Variants in ADGRL3 observed in about 807,000 individuals in gnomAD.
ADGRL3 encodes the protein adhesion G protein-coupled receptor L3.
A neutral mutation model predicts 153.5 loss-of-function variants in ADGRL3; 62 were observed. The observed-to-expected ratio is 0.40, with a 90% CI of 0.33 to 0.50. The LOEUF (loss-of-function observed/expected upper bound fraction) is 0.50, where lower values mean the gene tolerates loss of function less well. Ranked by LOEUF, ADGRL3 falls within the 20% of genes least tolerant of loss-of-function variation. ADGRL3 has a pLI of 0.47. For missense variants in ADGRL3, 1,641 were observed against 1,859.4 expected (o/e 0.88, Z 2.16); for synonymous variants, 710 against 672.5 (o/e 1.06, Z -0.86).
chr4:61,703,146 G>A (rs1304476600), intron 6 of ADGRL3, among the ~76,000 whole-genome samples: 1 of 151,972 alleles, frequency 6.6e-6, no homozygotes, highest in Non-Finnish European at 1.5e-5. Context: ...GAATCCTTAA[G>A]TAATTTACGT....
At chr4:61,795,819 A>G (rs2097403396) in intron 8 of ADGRL3, among the ~76,000 whole-genome samples, 1 of 152,098 alleles carries the variant, frequency 6.6e-6, no homozygotes, top group Non-Finnish European at 1.5e-5. Flanking sequence ...ATCTGATCCT[A>G]CTTGCATACC....
intron 17 of ADGRL3, among the ~76,000 whole-genome samples, chr4:61,957,239 A>T (rs1479906588): frequency 1.3e-5 from 2 of 152,092 alleles, no homozygotes; most frequent in African/African-American, 4.8e-5. Context: ...TTCTCCTTGA[A>T]GACATCCTTC....
chr4:61,400,106 A>C (rs79216973), intron 2 of ADGRL3, among the ~76,000 whole-genome samples: 1,734 of 151,834 alleles, frequency 0.011, 15 homozygotes, highest in Non-Finnish European at 0.016. Context: ...GCTGATTAAG[A>C]AAAAGGAGAA....
intron 11 of ADGRL3, 104 bp downstream of exon 11, chr4:61,895,938 G>A (rs1021850368): frequency 2.2e-5 from 13 of 583,866 alleles, no homozygotes; most frequent in South Asian, 2.2e-4. Flanking sequence ...TAAAATCAAT[G>A]TAGAAAATTT....
intron 4 of ADGRL3, among the ~76,000 whole-genome samples, chr4:61,532,545 C>CGT (rs1470514639): frequency 2.8e-4 from 22 of 77,336 alleles, no homozygotes; most frequent in African/African-American, 7.6e-4. Context: ...CGCGCGCGCG[C>CGT]GCGCGCGCGC....
intron 9 of ADGRL3, among the ~76,000 whole-genome samples, chr4:61,845,198 C>A (rs577160770): frequency 1.3e-5 from 2 of 151,872 alleles, no homozygotes; most frequent in Admixed American, 1.3e-4. Context: ...TTTTGGAATG[C>A]CCCCTCACCT....
At chr4:62,043,365 G>A (rs1485674480) in intron 24 of ADGRL3, among the ~76,000 whole-genome samples, 1 of 151,962 alleles carries the variant, frequency 6.6e-6, no homozygotes, top group Non-Finnish European at 1.5e-5. Context: ...GTGAGAGACT[G>A]GCTCCCAACA....
At chr4:61,549,233 G>A (rs1340213474) in intron 4 of ADGRL3, among the ~76,000 whole-genome samples, 1 of 151,780 alleles carries the variant, frequency 6.6e-6, no homozygotes, top group Non-Finnish European at 1.5e-5. Flanking sequence ...GGAGCTTTTG[G>A]GGTTTTCTAG....
intron 23 of ADGRL3, 28 bp from the exon 24 acceptor site, chr4:62,037,703 T>A: frequency 6.2e-7 from 1 of 1,613,328 alleles, no homozygotes; most frequent in African/African-American, 1.3e-5. Context: ...AATTACTTGC[T>A]AACAGAAGTT....
chr4:61,768,215 G>C lies in ADGRL3; in HGVS notation c.1399+34661G>C, dbSNP rs184699286. ...TAAGAGTAAATTGCTGGGCAGGTCG[G>C]GGAGGGCTAGTCACAGAAGGAAACT... On this transcript the variant is annotated intron_variant, in intron 8 of 26. Coordinates refer to ENST00000683033, the MANE Select transcript of ADGRL3 (RefSeq NM_001387552.1). Among the ~76,000 whole-genome samples the C allele has an allele frequency of 1.1e-3, 170 of 152,232 alleles. 2 individuals carry two copies. The highest frequency in any genetic ancestry group is 3.5e-3 in the South Asian group (17 of 4,824).
intron 2 of ADGRL3, among the ~76,000 whole-genome samples, chr4:61,462,267 G>T (rs2097829612): frequency 6.6e-6 from 1 of 152,126 alleles, no homozygotes; most frequent in Non-Finnish European, 1.5e-5. Context: ...CTTTGCTCTT[G>T]CATGAAATCT....
chr4:61,317,050 G>A (rs1042354721), intron 1 of ADGRL3, among the ~76,000 whole-genome samples: 1 of 152,106 alleles, frequency 6.6e-6, no homozygotes, highest in Non-Finnish European at 1.5e-5. Flanking sequence ...ACCTTTGCAA[G>A]TATTTCTTTC....
intron 2 of ADGRL3, among the ~76,000 whole-genome samples, chr4:61,496,918 G>A (rs1439173594): frequency 1.4e-5 from 2 of 147,530 alleles, no homozygotes; most frequent in Non-Finnish European, 3.0e-5. Flanking sequence ...TCCAGCCGGG[G>A]CGACAGAGCG....
intron 6 of ADGRL3, among the ~76,000 whole-genome samples, chr4:61,686,549 T>A (rs566947226): frequency 6.6e-6 from 1 of 152,242 alleles, no homozygotes; most frequent in East Asian, 1.9e-4. Context: ...TGGGGTACAG[T>A]GTGGCATTTT....
chr4:61,753,294 T>C (rs1340167177), intron 8 of ADGRL3, among the ~76,000 whole-genome samples: 1 of 152,090 alleles, frequency 6.6e-6, no homozygotes, highest in Non-Finnish European at 1.5e-5. Flanking sequence ...ATTCTGTTTT[T>C]GATTCCAGAA....
intron 9 of ADGRL3, among the ~76,000 whole-genome samples, chr4:61,863,802 AATC>A (rs1339321880): frequency 6.6e-6 from 1 of 152,218 alleles, no homozygotes; most frequent in Non-Finnish European, 1.5e-5. Flanking sequence ...AAGAGATTAA[AATC>A]ATACAAGCAT....
chr4:61,556,263 G>T (rs1226059450), intron 4 of ADGRL3, among the ~76,000 whole-genome samples: 1 of 152,158 alleles, frequency 6.6e-6, no homozygotes, highest in Non-Finnish European at 1.5e-5. Flanking sequence ...AAAGAATATA[G>T]TCAGAGGAGA....
At chr4:61,762,634 T>A (rs911201183) in intron 8 of ADGRL3, among the ~76,000 whole-genome samples, 1 of 152,202 alleles carries the variant, frequency 6.6e-6, no homozygotes, top group Non-Finnish European at 1.5e-5. Context: ...AAAAAAATTT[T>A]AGCTCTTCTA....
In ADGRL3 at chr4:61,978,246, A is replaced by G. The variant is rs547686727; in HGVS notation, c.2806-1317A>G. On this transcript the variant is annotated intron_variant, in intron 17 of 26. Transcript: ENST00000683033. ...GTTTATACTTTTACCAATTTTGCAT[A>G]CATCCATAAAAATCAATGTCATTGA... Among the ~76,000 whole-genome samples, 4 of 152,216 alleles carry G rather than the reference A, an allele frequency of 2.6e-5. No individual in the cohort carries two copies. In the South Asian group the frequency reaches 8.3e-4, roughly 32 times the overall value.
Sources: gnomAD v4.1 joint callset for allele counts (sites outside exome capture counted in the v4.1 genomes callset) on GRCh38, gnomAD v4.1.1 for gene constraint, MANE v1.5 for transcripts, NCBI Gene and HGNC (gene_info 2026-07-23, HGNC 2026-07-21) for gene names.